The following ARPP19 variants were observed in gnomAD, a reference collection of about 807,000 sequenced individuals.
ARPP19 encodes cAMP-regulated phosphoprotein 19.
ARPP19 carries 8 observed loss-of-function variants against 12.0 expected under a neutral mutation model. The observed-to-expected ratio is 0.67, with a 90% CI of 0.39 to 1.21. ARPP19 has a LOEUF of 1.21. Among genes scored for constraint, ARPP19 ranks in the 50% most tolerant of loss-of-function variants. The pLI is 0.01. For synonymous variants in ARPP19, 47 were observed against 50.4 expected, an observed-to-expected ratio of 0.93 and a Z score of 0.29; for missense variants, 102 against 136.3, an observed-to-expected ratio of 0.75 and a Z score of 1.25.
In ARPP19 at chr15:52,568,852, T is replaced by C; in HGVS notation, c.41A>G (p.Gln14Arg). The C allele has an allele frequency of 6.4e-7, 1 of 1,568,838 alleles. No homozygotes were observed. Among genetic ancestry groups the C allele is most frequent in the Non-Finnish European group, 8.6e-7 (1 of 1,161,138 alleles). ...GCTCACGCCCCGCGCGCTCACCTTC[T>C]GCTCCTCCGCGGAGGCTGCCTCGGG... is the stretch of plus-strand genomic sequence containing the variant. Reference protein sequence around the residue: ...EVPEAASAEEQKEMEDKVTSP... With the variant: ...EVPEAASAEERKEMEDKVTSP... The change falls in exon 1 of 3, where the codon CAG becomes CGG. Residue 14 changes from glutamine (Q) to arginine (R), a missense_variant. Transcript: ENST00000249822.
upstream of ARPP19, chr15:52,569,097 G>A: frequency 1.8e-6 from 1 of 555,040 alleles, no homozygotes; most frequent in Non-Finnish European, 3.2e-6. Flanking sequence ...TGCCCCTCCC[G>A]CACCGCACCC....
Position 52,568,930 on chromosome 15 carries a change from C to G in ARPP19, c.-38G>C. 3.5e-6 allele frequency: 4 copies of G among 1,135,034 alleles called. No individual in the cohort carries two copies. Among genetic ancestry groups the G allele is most frequent in the Non-Finnish European group, 5.0e-6 (4 of 796,728 alleles). 70.3% of individuals were successfully genotyped at this position (1,135,034 alleles called of 1,614,324 possible). On this transcript the variant is annotated 5_prime_UTR_variant, in exon 1 of 3. Transcript: ENST00000249822. Reference sequence around the variant, plus strand: ...GCAGACGAGACGCCGGGAAAAGATGCAATTAGCGGGTGGCCGAGGCCACCC... The same window carrying G: ...GCAGACGAGACGCCGGGAAAAGATGGAATTAGCGGGTGGCCGAGGCCACCC...
chr15:52,556,435 T>C (rs2077982504), intron 2 of ARPP19, among the ~76,000 whole-genome samples: 1 of 152,124 alleles, frequency 6.6e-6, no homozygotes, highest in African/African-American at 2.4e-5. Context: ...TATTGAGAAA[T>C]AATGGTATCT....
chr15:52,565,603 T>C (rs1473642406), intron 1 of ARPP19, among the ~76,000 whole-genome samples: 1 of 152,202 alleles, frequency 6.6e-6, no homozygotes, highest in East Asian at 1.9e-4. Context: ...GAGAAAAGAA[T>C]GGAGCTGAAC....
In ARPP19 at chr15:52,568,884, C is replaced by G. The variant is rs1390838674; in HGVS notation, c.9G>C (p.Ala3=). 2 of 1,575,882 alleles carry G rather than the reference C, an allele frequency of 1.3e-6. 1 individual carries two copies. The highest frequency in any genetic ancestry group is 2.3e-5 in the South Asian group (2 of 87,238). Residue 3 remains alanine (A), a synonymous_variant, in exon 1 of 3, where the codon GCG becomes GCC. Coordinates refer to ENST00000249822, the MANE Select transcript of ARPP19 (RefSeq NM_006628.6). MS[A]EVPEAASAEE... ...CCGCGGAGGCTGCCTCGGGGACTTC[C>G]GCAGACATAGTGCTCCCTCTGCAGA...
In ARPP19 at chr15:52,548,274, G is replaced by A. The variant is rs1236228149; in HGVS notation, c.*3660C>T. The A allele has an allele frequency of 2.6e-5, 4 of 152,124 alleles. No homozygotes were observed. Among genetic ancestry groups the A allele is most frequent in the African/African-American group, 7.2e-5 (3 of 41,422 alleles). 9.4% of individuals were successfully genotyped at this position (152,124 alleles called of 1,614,324 possible). ...GGCCGAGGCGAGTGGATCACCTGAG[G>A]TCAGGAGTTCGAGACCAGCCTGGCC... On this transcript the variant is annotated 3_prime_UTR_variant, in exon 3 of 3. Coordinates refer to ENST00000249822, the MANE Select transcript of ARPP19 (RefSeq NM_006628.6).
intron 1 of ARPP19, among the ~76,000 whole-genome samples, chr15:52,563,736 TCTC>T (rs1327439507): frequency 6.6e-6 from 1 of 152,110 alleles, no homozygotes; most frequent in Non-Finnish European, 1.5e-5. Context: ...CTAAGCAAAT[TCTC>T]CTCTATCTGC....
At chr15:52,562,173 T>C (rs1339157512) in intron 1 of ARPP19, among the ~76,000 whole-genome samples, 1 of 152,188 alleles carries the variant, frequency 6.6e-6, no homozygotes, top group African/African-American at 2.4e-5. Flanking sequence ...GCTTCCTCAA[T>C]TATTGATAGC....
At chr15:52,560,133 T>C (rs2078018439) in intron 1 of ARPP19, among the ~76,000 whole-genome samples, 1 of 152,160 alleles carries the variant, frequency 6.6e-6, no homozygotes, top group African/African-American at 2.4e-5. Flanking sequence ...ATTTGATATA[T>C]AAAGGAAAAT....
rs553881248 is a variant in ARPP19 at position 52,554,411 on chromosome 15, T to C, written c.169-2307A>G. On this transcript the variant is annotated intron_variant, in intron 2 of 2. Coordinates refer to ENST00000249822, the MANE Select transcript of ARPP19 (RefSeq NM_006628.6). Reference sequence around the variant, plus strand: ...AGCAAAGACAATAAAACAACAAAGATGTCAGAGAAAGAAGCTAATGCTTTA... The same window carrying C: ...AGCAAAGACAATAAAACAACAAAGACGTCAGAGAAAGAAGCTAATGCTTTA... 2.7e-5 allele frequency among the ~76,000 whole-genome samples: 4 copies of C among 149,220 alleles called. No individual in the cohort carries two copies. In the South Asian group the frequency reaches 8.6e-4, roughly 32 times the overall value.
chr15:52,559,699 T>G (rs1241043536), intron 1 of ARPP19, among the ~76,000 whole-genome samples: 10 of 152,198 alleles, frequency 6.6e-5, no homozygotes, highest in Admixed American at 6.5e-4. Flanking sequence ...TTACCAAGTT[T>G]AATGTAGGAA....
In ARPP19 at chr15:52,548,059, C is replaced by G. The variant is rs1255613124; in HGVS notation, c.*3875G>C. ...CATTGGCTACCTGCTTCTGATCACC[C>G]AAACACCAATTTTAGAGCAGAGGAG... is the stretch of plus-strand genomic sequence containing the variant. On this transcript the variant is annotated 3_prime_UTR_variant, in exon 3 of 3. Transcript: ENST00000249822. The G allele has an allele frequency of 1.3e-5, 2 of 151,374 alleles. No individual in the cohort carries two copies. The highest frequency in any genetic ancestry group is 2.9e-5 in the Non-Finnish European group (2 of 68,032). 9.4% of individuals were successfully genotyped at this position (151,374 alleles called of 1,614,324 possible). A position where few individuals can be genotyped will look rare whatever the true frequency, so the allele number is the denominator to read the frequency against.
chr15:52,558,820 T>C (rs1421970839), intron 1 of ARPP19, among the ~76,000 whole-genome samples: 1 of 151,496 alleles, frequency 6.6e-6, no homozygotes, highest in Non-Finnish European at 1.5e-5. Flanking sequence ...CCTGTTTCCC[T>C]TCCCTTTGTA....
Position 52,548,943 on chromosome 15 carries a change from C to A in ARPP19, c.*2991G>T, listed in dbSNP as rs1381520256. ...GGCTTTCCTTGATGAATAGTTAAGA[C>A]ATATTTTTAGGTCATCAGCACAAGA... On this transcript the variant is annotated 3_prime_UTR_variant, in exon 3 of 3. Transcript: ENST00000249822. The A allele has an allele frequency of 6.6e-6, 1 of 152,618 alleles. No homozygotes were observed. The highest frequency in any genetic ancestry group is 6.5e-5 in the Admixed American group (1 of 15,282). The allele number at this position is 152,618 out of a possible 1,614,324, so 9.5% of individuals were successfully genotyped here.
Position 52,549,144 on chromosome 15 carries a change from T to G in ARPP19, c.*2790A>C, listed in dbSNP as rs989377637. 4 of 152,256 alleles carry G rather than the reference T, an allele frequency of 2.6e-5. No individual in the cohort carries two copies. Among genetic ancestry groups the G allele is most frequent in the African/African-American group, 9.6e-5 (4 of 41,468 alleles). The allele number at this position is 152,256 out of a possible 1,614,324, so 9.4% of individuals were successfully genotyped here. A position where few individuals can be genotyped will look rare whatever the true frequency, so the allele number is the denominator to read the frequency against. On this transcript the variant is annotated 3_prime_UTR_variant, in exon 3 of 3. Coordinates refer to ENST00000249822, the MANE Select transcript of ARPP19 (RefSeq NM_006628.6). ...TATTGGACATAAAACAAGTAATTTA[T>G]TTCAGACTTTAGTTTTCATGAAGTA...
At chr15:52,557,925 C>A (rs1319541212) in intron 1 of ARPP19, among the ~76,000 whole-genome samples, 1 of 152,106 alleles carries the variant, frequency 6.6e-6, no homozygotes, top group Non-Finnish European at 1.5e-5. Context: ...TCAATCCTCA[C>A]ATCTATGTAT....
intron 1 of ARPP19, among the ~76,000 whole-genome samples, chr15:52,558,504 GA>G (rs1169299555): frequency 2.7e-5 from 4 of 149,882 alleles, no homozygotes; most frequent in African/African-American, 9.8e-5. Flanking sequence ...AAGAGAAAGA[GA>G]AAAAGCTGTA....
Position 52,558,785 on chromosome 15 carries a change from A to T in ARPP19, c.46-1563T>A, listed in dbSNP as rs1595864494. Among the ~76,000 whole-genome samples, 15 of 123,344 alleles carry T rather than the reference A, an allele frequency of 1.2e-4. No homozygotes were observed. The South Asian group carries it at 2.2e-3, about 18-fold the overall frequency. The allele number at this position is 123,344 out of a possible 152,430, so 80.9% of individuals were successfully genotyped here. A position where few individuals can be genotyped will look rare whatever the true frequency, so the allele number is the denominator to read the frequency against. ...TCACTCAAAATTATATTCATACATT[A>T]AAAAAAAAAAAAAAAGATGAAGATC... On this transcript the variant is annotated intron_variant, in intron 1 of 2. Transcript: ENST00000249822.
chr15:52,551,741 T>C lies in ARPP19; in HGVS notation c.*193A>G. On this transcript the variant is annotated 3_prime_UTR_variant, in exon 3 of 3. Transcript: ENST00000249822. ...TTACTTATGTTGCTCTAACATGTCC[T>C]CTTCACCAGTGCACTGTTAAACTAA... 3.6e-6 allele frequency: 2 copies of C among 553,006 alleles called. No individual in the cohort carries two copies. The highest frequency in any genetic ancestry group is 6.4e-6 in the Non-Finnish European group (2 of 312,818). The allele number at this position is 553,006 out of a possible 1,614,324, so 34.3% of individuals were successfully genotyped here.
Sources: allele counts gnomAD v4.1 joint callset (sites outside exome capture counted in the v4.1 genomes callset), GRCh38; gene constraint gnomAD v4.1.1; transcripts MANE v1.5; gene names NCBI Gene and HGNC (gene_info 2026-07-23, HGNC 2026-07-21).